Variants in ZNF644 observed in about 807,000 individuals in gnomAD.
The protein encoded by ZNF644 is zinc finger motif enhancer binding protein 2.
A neutral mutation model predicts 108.0 loss-of-function variants in ZNF644; 20 were observed. That is an observed-to-expected ratio of 0.19 (90% CI 0.13 to 0.27). ZNF644 has a LOEUF of 0.27. ZNF644 is among the 10% of genes least tolerant of loss of function. ZNF644 has a pLI of 1.00. For synonymous variants in ZNF644, 542 were observed against 539.1 expected, an observed-to-expected ratio of 1.01 and a Z score of -0.08; for missense variants, 1,338 against 1,548.9, an observed-to-expected ratio of 0.86 and a Z score of 2.29.
chr1:90,952,654 T>C lies in ZNF644; in HGVS notation c.45-11345A>G, dbSNP rs79687256. On this transcript the variant is annotated intron_variant, in intron 2 of 5. Coordinates refer to ENST00000337393, the MANE Select transcript of ZNF644 (RefSeq NM_201269.3). ...TAGAAAAAGGTCAATACAAAGTATA[T>C]TGAATGAAGCAAGGGGAGACAAAAG... 1.8e-3 allele frequency among the ~76,000 whole-genome samples: 279 copies of C among 151,976 alleles called. 1 individual carries two copies. Among genetic ancestry groups the C allele is most frequent in the African/African-American group, 6.3e-3 (262 of 41,430 alleles).
At chr1:90,954,186 C>G (rs1441143809) in intron 2 of ZNF644, among the ~76,000 whole-genome samples, 1 of 152,172 alleles carries the variant, frequency 6.6e-6, no homozygotes, top group Non-Finnish European at 1.5e-5. Flanking sequence ...ATCTTACCCA[C>G]AGTAAAACTT....
In ZNF644 at chr1:90,997,576, C is replaced by T. The variant is rs150107043; in HGVS notation, c.-17-15206G>A. Among the ~76,000 whole-genome samples, 634 of 151,838 alleles carry T rather than the reference C, an allele frequency of 4.2e-3. 1 individual carries two copies. Among genetic ancestry groups the T allele is most frequent in the African/African-American group, 0.014 (563 of 41,428 alleles). The stretch of plus-strand genomic sequence containing the variant: ...TATTAAAAAAAAAAGGGGAGGGGGG[C>T]GGTTCCAAGATGGCCGAAAAGGAAC... On this transcript the variant is annotated intron_variant, in intron 1 of 5. Transcript: ENST00000337393.
At chr1:90,982,215 T>C (rs182069137) in intron 2 of ZNF644, 95 bp downstream of exon 2, 21 of 1,018,820 alleles carry the variant, frequency 2.1e-5, no homozygotes, top group Middle Eastern at 2.8e-4. Flanking sequence ...TAAAAACTCT[T>C]TGGTTCTGAA....
intron 2 of ZNF644, among the ~76,000 whole-genome samples, chr1:90,945,454 A>G (rs1459539620): frequency 6.6e-6 from 1 of 152,118 alleles, no homozygotes; most frequent in Admixed American, 6.5e-5. Context: ...AAAATTGTAC[A>G]AAGGTCAGAT....
At chr1:90,984,278 T>C (rs192090703) in intron 1 of ZNF644, among the ~76,000 whole-genome samples, 1 of 152,294 alleles carries the variant, frequency 6.6e-6, no homozygotes. Context: ...CACCCCTATA[T>C]AAAAGATGTT....
At chr1:90,920,994 C>T (rs539707238) in intron 4 of ZNF644, among the ~76,000 whole-genome samples, 1 of 151,852 alleles carries the variant, frequency 6.6e-6, no homozygotes, top group South Asian at 2.1e-4. Flanking sequence ...GTGATACTGC[C>T]CATACCTTTG....
intron 5 of ZNF644, 58 bp from the exon 6 acceptor site, chr1:90,917,048 C>A (rs1296070783): frequency 4.5e-6 from 7 of 1,548,226 alleles, no homozygotes; most frequent in Non-Finnish European, 6.2e-6. Context: ...AAAACTAATT[C>A]ACACAAAATC....
chr1:90,968,791 C>T (rs772903194), intron 2 of ZNF644, among the ~76,000 whole-genome samples: 150 of 152,110 alleles, frequency 9.9e-4, no homozygotes, highest in Non-Finnish European at 1.8e-3. Flanking sequence ...TCAATATATA[C>T]AGATAAATAG....
rs569643870 is a variant in ZNF644 at position 91,000,968 on chromosome 1, T to A, written c.-17-18598A>T. Among the ~76,000 whole-genome samples the A allele has an allele frequency of 4.9e-4, 74 of 152,084 alleles. No individual in the cohort carries two copies. In the Middle Eastern group the frequency reaches 0.01, roughly 21 times the overall value. ...GATAAATTCCTGGACACATACACCC[T>A]CCCAAGACTAAACCAGGAAGAAGGT... On this transcript the variant is annotated intron_variant, in intron 1 of 5. Coordinates refer to ENST00000337393, the MANE Select transcript of ZNF644 (RefSeq NM_201269.3).
intron 2 of ZNF644, among the ~76,000 whole-genome samples, chr1:90,968,938 A>C (rs574728240): frequency 1.3e-5 from 2 of 152,322 alleles, no homozygotes; most frequent in East Asian, 3.9e-4. Flanking sequence ...TTGTTATTAC[A>C]TTCTAAAAGT....
chr1:90,937,412 T>C (rs991663938), intron 4 of ZNF644, 73 bp downstream of exon 4: 3 of 1,594,808 alleles, frequency 1.9e-6, no homozygotes, highest in Non-Finnish European at 2.6e-6. Context: ...ATTTTCCACA[T>C]AGATTCCATT....
chr1:90,974,737 C>T (rs1406573290), intron 2 of ZNF644, among the ~76,000 whole-genome samples: 1 of 152,208 alleles, frequency 6.6e-6, no homozygotes, highest in Non-Finnish European at 1.5e-5. Context: ...TGAATCCAAT[C>T]CAGCTTTCCC....
intron 1 of ZNF644, among the ~76,000 whole-genome samples, chr1:90,983,675 C>T (rs1470208997): frequency 6.6e-6 from 1 of 151,980 alleles, no homozygotes; most frequent in African/African-American, 2.4e-5. Flanking sequence ...ACCTGTAATC[C>T]CAGCACTTTG....
At chr1:91,016,560 T>C (rs1408950949) in intron 1 of ZNF644, among the ~76,000 whole-genome samples, 2 of 152,194 alleles carry the variant, frequency 1.3e-5, no homozygotes, top group African/African-American at 2.4e-5. Context: ...TACAATCTTA[T>C]GGGACCACCA....
chr1:90,922,216 A>C (rs1470584356), intron 4 of ZNF644, among the ~76,000 whole-genome samples: 1 of 152,170 alleles, frequency 6.6e-6, no homozygotes, highest in Non-Finnish European at 1.5e-5. Flanking sequence ...TTTTATTTGT[A>C]ATCATTCTCA....
At chr1:91,004,520 G>A (rs1438613542) in intron 1 of ZNF644, among the ~76,000 whole-genome samples, 1 of 152,134 alleles carries the variant, frequency 6.6e-6, no homozygotes, top group East Asian at 1.9e-4. Flanking sequence ...CCCTCAGGCT[G>A]AAATGAAAGA....
In ZNF644 at chr1:90,916,429, C is replaced by T. The variant is rs1648769130; in HGVS notation, c.*369G>A. Reference sequence around the variant, plus strand: ...TAATATCTTATTTTTCTATGCAAGTCTTGTGGGGAATAAACAGAGCCTTGA... The same window carrying T: ...TAATATCTTATTTTTCTATGCAAGTTTTGTGGGGAATAAACAGAGCCTTGA... On this transcript the variant is annotated 3_prime_UTR_variant, in exon 6 of 6. Coordinates refer to ENST00000337393, the MANE Select transcript of ZNF644 (RefSeq NM_201269.3). 4.8e-6 allele frequency: 1 copy of T among 209,448 alleles called. No individual in the cohort carries two copies. Among genetic ancestry groups the T allele is most frequent in the South Asian group, 8.0e-5 (1 of 12,506 alleles). The allele number at this position is 209,448 out of a possible 1,614,324, so 13.0% of individuals were successfully genotyped here. A position where few individuals can be genotyped will look rare whatever the true frequency, so the allele number is the denominator to read the frequency against.
intron 2 of ZNF644, among the ~76,000 whole-genome samples, chr1:90,942,084 A>G (rs1444373768): frequency 6.6e-6 from 1 of 152,162 alleles, no homozygotes; most frequent in Non-Finnish European, 1.5e-5. Flanking sequence ...GTTAAAATTA[A>G]TGAAGGTTTA....
At chr1:90,989,241 TA>T (rs1381193489) in intron 1 of ZNF644, among the ~76,000 whole-genome samples, 1 of 152,072 alleles carries the variant, frequency 6.6e-6, no homozygotes, top group Non-Finnish European at 1.5e-5. Flanking sequence ...AGACAGCATA[TA>T]AAACAAGCAC....
Sources: gnomAD v4.1 joint callset for allele counts (sites outside exome capture counted in the v4.1 genomes callset) on GRCh38, gnomAD v4.1.1 for gene constraint, MANE v1.5 for transcripts, NCBI Gene and HGNC (gene_info 2026-07-23, HGNC 2026-07-21) for gene names.